The following CFDP1 variants were observed in gnomAD, a reference collection of about 807,000 sequenced individuals.
CFDP1 encodes chromatin remodeling protein CFDP1, also known as heterochromatin-stabilizing protein CFDP1.
A neutral mutation model predicts 40.1 loss-of-function variants in CFDP1; 31 were observed. The observed-to-expected ratio is 0.77, with a 90% CI of 0.58 to 1.04. The LOEUF is 1.04. Among genes scored for constraint, CFDP1 ranks in the 50% least tolerant of loss-of-function variants. CFDP1 has a pLI of 0.00. For synonymous variants in CFDP1, 167 were observed against 120.0 expected (o/e 1.39, Z -2.56); for missense variants, 423 against 343.4 (o/e 1.23, Z -1.83).
At chr16:75,413,593 C>T (rs2151587641) in intron 2 of CFDP1, among the ~76,000 whole-genome samples, 1 of 150,040 alleles carries the variant, frequency 6.7e-6, no homozygotes, top group Admixed American at 6.6e-5. Context: ...GACAAAAAAA[C>T]TGGGCCCAAG....
chr16:75,391,013 C>T (rs971182320), intron 5 of CFDP1, among the ~76,000 whole-genome samples: 7 of 152,182 alleles, frequency 4.6e-5, no homozygotes, highest in African/African-American at 1.7e-4. Context: ...ATTTCTTATT[C>T]TAAAAAGCAT....
chr16:75,431,515 G>GCCTGTAATC (rs1204093727), intron 1 of CFDP1, among the ~76,000 whole-genome samples: 50 of 150,512 alleles, frequency 3.3e-4, no homozygotes, highest in African/African-American at 1.2e-3. Flanking sequence ...GCTGGCGGGC[G>GCCTGTAATC]CCTGTAATCC....
chr16:75,395,161 G>A lies in CFDP1; in HGVS notation c.579C>T (p.Phe193=). Residue 193 remains phenylalanine, a synonymous_variant, in exon 5 of 7, where the codon TTC becomes TTT. Transcript: ENST00000283882. ...DATSKEAKSF[F]KQNEKEKPQA... ...GTGGTTTTTCTTTCTCATTCTGCTT[G>A]AAGAAGGATTTGGCCTCTTTAGATG... 1.2e-6 allele frequency: 2 copies of A among 1,613,766 alleles called. No homozygotes were observed. Among genetic ancestry groups the A allele is most frequent in the Non-Finnish European group, 1.7e-6 (2 of 1,179,836 alleles).
chr16:75,298,352 G>A (rs558797007), intron 6 of CFDP1, among the ~76,000 whole-genome samples: 59 of 152,296 alleles, frequency 3.9e-4, no homozygotes, highest in African/African-American at 1.3e-3. Flanking sequence ...GTGCTGACCC[G>A]ACGTAGTCAC....
At chr16:75,410,945 G>GT (rs1475947084) in intron 4 of CFDP1, among the ~76,000 whole-genome samples, 1 of 148,166 alleles carries the variant, frequency 6.7e-6, no homozygotes, top group African/African-American at 2.5e-5. Context: ...AAGGCCAGGA[G>GT]TGGCAGCTCA....
At chr16:75,418,555 G>A (rs528109770) in intron 1 of CFDP1, among the ~76,000 whole-genome samples, 2 of 151,852 alleles carry the variant, frequency 1.3e-5, no homozygotes, top group South Asian at 2.1e-4. Flanking sequence ...GTGATCCGCC[G>A]ACCTCGGCCT....
At chr16:75,391,786 T>C (rs917145469) in intron 5 of CFDP1, among the ~76,000 whole-genome samples, 6 of 151,740 alleles carry the variant, frequency 4.0e-5, no homozygotes, top group Middle Eastern at 3.4e-3. Flanking sequence ...CTGGACAACA[T>C]GGTGAAACCC....
intron 5 of CFDP1, among the ~76,000 whole-genome samples, chr16:75,381,778 T>C (rs544979110): frequency 1.6e-4 from 25 of 152,180 alleles, no homozygotes; most frequent in African/African-American, 6.0e-4. Flanking sequence ...GCAAGAGATA[T>C]GGGTCTGGAG....
At chr16:75,305,226 AT>A in intron 5 of CFDP1, 44 bp from the exon 6 acceptor site, 1 of 1,594,830 alleles carries the variant, frequency 6.3e-7, no homozygotes, top group South Asian at 1.1e-5. Context: ...AAAAACTCTG[AT>A]CTCTATATTA....
At chr16:75,410,704 C>G (rs866351211) in intron 4 of CFDP1, among the ~76,000 whole-genome samples, 1 of 151,336 alleles carries the variant, frequency 6.6e-6, no homozygotes, top group Non-Finnish European at 1.5e-5. Context: ...GTCAGGAGAT[C>G]GAGACCATCC....
intron 5 of CFDP1, among the ~76,000 whole-genome samples, chr16:75,367,170 A>C (rs2151536016): frequency 6.6e-6 from 1 of 151,642 alleles, no homozygotes; most frequent in East Asian, 1.9e-4. Context: ...ATCTCAAAAA[A>C]AAAAAAAAAA....
rs59681577 is a variant in CFDP1, at chr16:75,384,852, CTATATATATATATATATA to C, written c.650+10220_650+10237del. On this transcript the variant is annotated intron_variant, in intron 5 of 6. Transcript: ENST00000283882. ...TACAAGTTGCAAGAAGAAACTAAAA[CTATATATATATATATATA>C]TATATATATATATATATATATATAT... 4.1e-3 allele frequency among the ~76,000 whole-genome samples: 497 copies of C among 119,984 alleles called. 7 individuals are homozygous for C. Among genetic ancestry groups the C allele is most frequent in the East Asian group, 0.03 (120 of 4,024 alleles). 78.7% of individuals were successfully genotyped at this position (119,984 alleles called of 152,430 possible). A position where few individuals can be genotyped will look rare whatever the true frequency, so the allele number is the denominator to read the frequency against.
In CFDP1 at chr16:75,353,748, C is replaced by CA. The variant is rs3975152; in HGVS notation, c.650+41341dup. 2.3e-3 allele frequency among the ~76,000 whole-genome samples: 167 copies of CA among 72,328 alleles called. 10 individuals are homozygous for CA. The highest frequency in any genetic ancestry group is 7.7e-3 in the African/African-American group (129 of 16,688). The allele number at this position is 72,328 out of a possible 152,430, so 47.4% of individuals were successfully genotyped here. A position where few individuals can be genotyped will look rare whatever the true frequency, so the allele number is the denominator to read the frequency against. ...TGGGCGACACAGCAAAAGTCCGTCT[C>CA]AAAAAAAAAAAAAAAAAAAAAAAAA... On this transcript the variant is annotated intron_variant, in intron 5 of 6. Transcript: ENST00000283882.
rs370729030 is a variant in CFDP1, at chr16:75,334,610, G to A, written c.651-29428C>T. On this transcript the variant is annotated intron_variant, in intron 5 of 6. Transcript: ENST00000283882. Reference sequence around the variant, plus strand: ...TCTTTTACTATTCATGTTGAAATCTGTCAAGACAAGGCTTACGAAGAAACC... The same window carrying A: ...TCTTTTACTATTCATGTTGAAATCTATCAAGACAAGGCTTACGAAGAAACC... Among the ~76,000 whole-genome samples, 3 of 152,026 alleles carry A rather than the reference G, an allele frequency of 2.0e-5. No homozygotes were observed. The East Asian group carries it at 5.8e-4, about 29-fold the overall frequency.
chr16:75,394,657 G>GTT lies in CFDP1; in HGVS notation c.650+432_650+433insAA, dbSNP rs1567670026. 43 of 58,562 alleles carry GTT rather than the reference G, an allele frequency of 7.3e-4. 1 individual carries two copies. Among genetic ancestry groups the GTT allele is most frequent in the Non-Finnish European group, 9.8e-4 (24 of 24,598 alleles). 3.6% of individuals were successfully genotyped at this position (58,562 alleles called of 1,614,324 possible). A position where few individuals can be genotyped will look rare whatever the true frequency, so the allele number is the denominator to read the frequency against. ...AAGAAAGCTACAACTAATTTTCTTC[G>GTT]CTTTTTTTTTTTTTTTTTTTTTTTA... is the stretch of plus-strand genomic sequence containing the variant. On this transcript the variant is annotated intron_variant, in intron 5 of 6. Transcript: ENST00000283882.
intron 5 of CFDP1, among the ~76,000 whole-genome samples, chr16:75,306,905 A>ATG (rs1489480425): frequency 6.7e-6 from 1 of 148,614 alleles, no homozygotes. Flanking sequence ...ACACACACGC[A>ATG]CACACACACA....
intron 6 of CFDP1, among the ~76,000 whole-genome samples, chr16:75,299,205 G>A (rs1364606466): frequency 1.3e-5 from 2 of 152,172 alleles, no homozygotes; most frequent in Admixed American, 1.3e-4. Flanking sequence ...TCCGGTACAG[G>A]CACTTCAACC....
intron 5 of CFDP1, among the ~76,000 whole-genome samples, chr16:75,365,771 C>T (rs1427478556): frequency 6.6e-6 from 1 of 152,076 alleles, no homozygotes; most frequent in African/African-American, 2.4e-5. Flanking sequence ...AGAAGATATA[C>T]AAATAGCCAG....
chr16:75,296,543 C>T (rs1597314290), intron 6 of CFDP1, among the ~76,000 whole-genome samples: 1 of 152,186 alleles, frequency 6.6e-6, no homozygotes, highest in Non-Finnish European at 1.5e-5. Context: ...CCTGACTTTC[C>T]TGTAAATAAG....
Sources: gnomAD v4.1 joint callset for allele counts (sites outside exome capture counted in the v4.1 genomes callset) on GRCh38, gnomAD v4.1.1 for gene constraint, MANE v1.5 for transcripts, NCBI Gene and HGNC (gene_info 2026-07-23, HGNC 2026-07-21) for gene names.